DNAH8: variants seen among roughly 807,000 people sequenced by gnomAD.
DNAH8 encodes the protein axonemal beta dynein heavy chain 8.
In DNAH8, 382 loss-of-function variants were observed where a neutral mutation model predicts 562.1. That is an observed-to-expected ratio of 0.68 (90% CI 0.63 to 0.74). The LOEUF (loss-of-function observed/expected upper bound fraction) is 0.74, where lower values mean the gene tolerates loss of function less well. Ranked by LOEUF, DNAH8 falls within the 30% of genes least tolerant of loss-of-function variation. The pLI, the probability that DNAH8 is intolerant of heterozygous loss-of-function variation, is 0.00. For synonymous variants in DNAH8, 1,881 were observed against 1,919.4 expected (o/e 0.98, Z 0.52); for missense variants, 5,203 against 5,620.4 (o/e 0.93, Z 2.37).
chr6:38,780,099 T>C, intron 15 of DNAH8, 34 bp downstream of exon 15: 1 of 1,585,286 alleles, frequency 6.3e-7, no homozygotes, highest in Non-Finnish European at 8.6e-7. Context: ...AATGGTACAT[T>C]AGCACAAAAA....
intron 11 of DNAH8, chr6:38,764,641 T>G (rs984626196): frequency 6.6e-6 from 1 of 152,198 alleles, no homozygotes; most frequent in African/African-American, 2.4e-5. Context: ...GTTGAGGTGG[T>G]AAAGGCAATG....
intron 11 of DNAH8, among the ~76,000 whole-genome samples, chr6:38,766,153 GTGTT>G (rs918738053): frequency 8.5e-5 from 13 of 152,176 alleles, no homozygotes; most frequent in Admixed American, 3.9e-4. Context: ...GTGTGTGTGT[GTGTT>G]TGTGTATGGA....
chr6:38,789,525 A>G (rs1769496896), intron 18 of DNAH8, among the ~76,000 whole-genome samples: 1 of 152,210 alleles, frequency 6.6e-6, no homozygotes, highest in South Asian at 2.1e-4. Context: ...TCACAAAAAG[A>G]TAATAATTCA....
chr6:38,779,935 T>A, intron 14 of DNAH8, 31 bp from the exon 15 acceptor site: 1 of 1,589,578 alleles, frequency 6.3e-7, no homozygotes, highest in Non-Finnish European at 8.6e-7. Context: ...TCTCATTTAC[T>A]TTTTAACCAT....
chr6:38,959,704 T>G (rs1762483492), intron 82 of DNAH8, among the ~76,000 whole-genome samples: 1 of 152,114 alleles, frequency 6.6e-6, no homozygotes, highest in Non-Finnish European at 1.5e-5. Flanking sequence ...CAAAGCAATC[T>G]GCAGATTCAC....
chr6:38,723,081 G>A lies in DNAH8; in HGVS notation c.272G>A (p.Arg91Gln). 4 of 1,612,894 alleles carry A rather than the reference G, an allele frequency of 2.5e-6. No individual in the cohort carries two copies. Among genetic ancestry groups the A allele is most frequent in the Non-Finnish European group, 2.5e-6 (3 of 1,179,900 alleles). ...AGAGTTCGACAGAGGCTTGCACCGCGACCGGTTCAGTCAGTGATTTCGGAA... is the reference window on the plus strand; with the variant it reads ...AGAGTTCGACAGAGGCTTGCACCGCAACCGGTTCAGTCAGTGATTTCGGAA... Reference protein sequence around the residue: ...LNRVRQRLAPRPVQSVISEVL... With the variant: ...LNRVRQRLAPQPVQSVISEVL... Residue 91 changes from arginine to glutamine, a missense_variant, in exon 2 of 93, where the codon CGA (arginine) becomes CAA (glutamine). Coordinates refer to ENST00000327475, the MANE Select transcript of DNAH8 (RefSeq NM_001206927.2).
intron 45 of DNAH8, among the ~76,000 whole-genome samples, 178 bp from the exon 46 acceptor site, chr6:38,866,413 G>T (rs963145169): frequency 6.6e-6 from 1 of 152,034 alleles, no homozygotes; most frequent in Non-Finnish European, 1.5e-5. Context: ...ATATAAAAGG[G>T]CATATAAATA....
At position 38,925,768 on chromosome 6, in the gene DNAH8, A is replaced by G. The variant is rs546915195; in HGVS notation, c.10963-287A>G. Among the ~76,000 whole-genome samples, 5 of 152,242 alleles carry G rather than the reference A, an allele frequency of 3.3e-5. No individual in the cohort carries two copies. In the South Asian group the frequency reaches 6.2e-4, roughly 19 times the overall value. On this transcript the variant is annotated intron_variant, in intron 73 of 92. Transcript: ENST00000327475. Reference sequence around the variant, plus strand: ...AACCCCAAATCAGGTTTAATATGCAATCAACTTGCTATGATTCCCCTAAGT... The same window carrying G: ...AACCCCAAATCAGGTTTAATATGCAGTCAACTTGCTATGATTCCCCTAAGT...
chr6:39,011,620 T>G (rs2150771830), intron 89 of DNAH8, among the ~76,000 whole-genome samples: 1 of 152,344 alleles, frequency 6.6e-6, no homozygotes, highest in African/African-American at 2.4e-5. Context: ...AAATAGTCAA[T>G]AAGTGATACA....
At chr6:38,791,807 C>G in intron 21 of DNAH8, 133 bp downstream of exon 21, 1 of 876,554 alleles carries the variant, frequency 1.1e-6, no homozygotes. Flanking sequence ...TGTGAACATT[C>G]TCTGCTCCAA....
At chr6:38,929,025 A>G (rs998980871) in intron 74 of DNAH8, among the ~76,000 whole-genome samples, 27 of 152,306 alleles carry the variant, frequency 1.8e-4, no homozygotes, top group African/African-American at 6.5e-4. Flanking sequence ...CCCAGTGCCA[A>G]TAGGAGACAG....
At chr6:38,876,169 A>C (rs1280922931) in intron 53 of DNAH8, among the ~76,000 whole-genome samples, 1 of 152,254 alleles carries the variant, frequency 6.6e-6, no homozygotes, top group African/African-American at 2.4e-5. Context: ...AAGCATGCTA[A>C]TACACATAAC....
intron 13 of DNAH8, among the ~76,000 whole-genome samples, chr6:38,777,447 G>A (rs1320172395): frequency 2.6e-5 from 4 of 151,840 alleles, no homozygotes; most frequent in South Asian, 4.2e-4. Flanking sequence ...ATTTTTCTTC[G>A]TTTTCCAATG....
intron 26 of DNAH8, among the ~76,000 whole-genome samples, chr6:38,815,893 T>A (rs1772216571): frequency 6.6e-6 from 1 of 152,122 alleles, no homozygotes; most frequent in African/African-American, 2.4e-5. Flanking sequence ...ACCTTAGCAC[T>A]AATTTTACTT....
chr6:38,946,599 A>G (rs1309665501), intron 80 of DNAH8, among the ~76,000 whole-genome samples: 4 of 152,208 alleles, frequency 2.6e-5, no homozygotes, highest in Non-Finnish European at 5.9e-5. Flanking sequence ...TCACGAGGTC[A>G]GGAGTTTGAG....
intron 81 of DNAH8, among the ~76,000 whole-genome samples, chr6:38,950,165 G>GA (rs112485144): frequency 0.19 from 28,038 of 148,918 alleles, 3,273 homozygotes; most frequent in African/African-American, 0.33. Flanking sequence ...CTTCCACATT[G>GA]AAAAAAATCA....
chr6:38,935,303 C>T (rs1782860414), intron 76 of DNAH8, among the ~76,000 whole-genome samples: 1 of 152,156 alleles, frequency 6.6e-6, no homozygotes, highest in Admixed American at 6.5e-5. Flanking sequence ...AAACTTAAAG[C>T]TGGCAAGAGA....
At chr6:38,850,857 T>C (rs1775687360) in intron 38 of DNAH8, among the ~76,000 whole-genome samples, 1 of 152,158 alleles carries the variant, frequency 6.6e-6, no homozygotes, top group Non-Finnish European at 1.5e-5. Context: ...TGTGTGTCTC[T>C]TATGACGACA....
chr6:38,732,180 C>T (rs1448107987), intron 4 of DNAH8, among the ~76,000 whole-genome samples: 1 of 152,176 alleles, frequency 6.6e-6, no homozygotes, highest in African/African-American at 2.4e-5. Flanking sequence ...TCAAAAAATT[C>T]GTTATAGTAT....
Sources: allele counts gnomAD v4.1 joint callset (sites outside exome capture counted in the v4.1 genomes callset), GRCh38; gene constraint gnomAD v4.1.1; transcripts MANE v1.5; gene names NCBI Gene and HGNC (gene_info 2026-07-23, HGNC 2026-07-21).